The following CEP128 variants were observed in gnomAD, a reference collection of about 807,000 sequenced individuals.
CEP128 encodes centrosomal protein 128, also known as centrosomal protein 128kDa.
A neutral mutation model predicts 156.7 loss-of-function variants in CEP128; 132 were observed. The ratio of observed to expected loss-of-function variants is 0.84; its 90% CI spans 0.73 to 0.97. The LOEUF (loss-of-function observed/expected upper bound fraction) is 0.97, where lower values mean the gene tolerates loss of function less well. Ranked by LOEUF, CEP128 falls within the 50% of genes least tolerant of loss-of-function variation. CEP128 has a pLI of 0.00. For synonymous variants in CEP128, 469 were observed against 448.9 expected (o/e 1.04, Z -0.57); for missense variants, 1,252 against 1,281.9 (o/e 0.98, Z 0.36).
intron 19 of CEP128, among the ~76,000 whole-genome samples, chr14:80,634,702 T>G (rs1475932804): frequency 3.3e-5 from 5 of 152,166 alleles, no homozygotes; most frequent in African/African-American, 1.2e-4. Context: ...TTGCCCCCAC[T>G]TTTCCCTATT....
intron 13 of CEP128, among the ~76,000 whole-genome samples, chr14:80,799,525 AAG>A (rs1192591829): frequency 6.6e-6 from 1 of 152,224 alleles, no homozygotes; most frequent in African/African-American, 2.4e-5. Context: ...GGGTTGGGCA[AAG>A]AGCCATATTT....
rs189117107 is a variant in CEP128, at chr14:80,826,634, A to G, written c.1209+4509T>C. 1.4e-3 allele frequency among the ~76,000 whole-genome samples: 209 copies of G among 152,242 alleles called. 1 individual carries two copies. Among genetic ancestry groups the G allele is most frequent in the African/African-American group, 4.0e-3 (168 of 41,562 alleles). On this transcript the variant is annotated intron_variant, in intron 13 of 24. Transcript: ENST00000555265. ...TTATTGATTATCCTTTCTTTTTTAT[A>G]CCATCCTCTTTTAAAAAAAAATTAA...
chr14:80,893,508 CAA>C (rs55840549), intron 8 of CEP128, among the ~76,000 whole-genome samples: 3 of 140,282 alleles, frequency 2.1e-5, no homozygotes, highest in Non-Finnish European at 1.6e-5. Context: ...CAAACCAAAA[CAA>C]AAAAAAAAAA....
rs1253196412 is a variant in CEP128, at chr14:80,760,210, C to T, written c.2553+1227G>A. On this transcript the variant is annotated intron_variant, in intron 17 of 24. Coordinates refer to ENST00000555265, the MANE Select transcript of CEP128 (RefSeq NM_152446.5). ...ATAGTTCTAAAAGAGTTAGTTTTCC[C>T]CCTAAAGCCAATTACTTCTCATATT... 2.0e-5 allele frequency among the ~76,000 whole-genome samples: 3 copies of T among 151,552 alleles called. No homozygotes were observed. The East Asian group carries it at 5.8e-4, about 29-fold the overall frequency.
intron 19 of CEP128, among the ~76,000 whole-genome samples, chr14:80,594,915 G>C (rs1892246762): frequency 6.6e-6 from 1 of 152,158 alleles, no homozygotes; most frequent in South Asian, 2.1e-4. Context: ...AGACAGTGTG[G>C]CAATTCCTCA....
intron 19 of CEP128, among the ~76,000 whole-genome samples, chr14:80,677,038 C>T (rs1198695269): frequency 1.3e-5 from 2 of 152,112 alleles, no homozygotes; most frequent in African/African-American, 4.8e-5. Flanking sequence ...ACTGAAAAAG[C>T]ATTACATCTA....
At chr14:80,886,530 A>C (rs1266084317) in intron 8 of CEP128, among the ~76,000 whole-genome samples, 1 of 152,220 alleles carries the variant, frequency 6.6e-6, no homozygotes, top group Non-Finnish European at 1.5e-5. Context: ...AGCCAAACTA[A>C]GCTTCATAAC....
intron 14 of CEP128, chr14:80,478,477 A>G (rs1411022408): frequency 6.6e-6 from 1 of 152,206 alleles, no homozygotes; most frequent in Non-Finnish European, 1.5e-5. Flanking sequence ...GACACTTTGC[A>G]TATGTAGCTG....
chr14:80,555,036 C>A (rs1055582215), intron 21 of CEP128, among the ~76,000 whole-genome samples: 10 of 151,926 alleles, frequency 6.6e-5, no homozygotes, highest in African/African-American at 2.4e-4. Context: ...ATAAAAGATC[C>A]CTGATGTAAA....
chr14:80,808,805 C>G (rs1366642656), intron 13 of CEP128, among the ~76,000 whole-genome samples: 9 of 151,958 alleles, frequency 5.9e-5, no homozygotes, highest in Non-Finnish European at 8.8e-5. Flanking sequence ...CCACATGCAC[C>G]CAGAATAAAA....
intron 24 of CEP128, among the ~76,000 whole-genome samples, 176 bp from the exon 25 acceptor site, chr14:80,497,758 C>A (rs1887555177): frequency 6.6e-6 from 1 of 152,082 alleles, no homozygotes; most frequent in Non-Finnish European, 1.5e-5. Flanking sequence ...CAATTTATGA[C>A]ATTTAAAAAA....
intron 19 of CEP128, among the ~76,000 whole-genome samples, chr14:80,706,061 G>A (rs72690958): frequency 6.6e-6 from 1 of 152,094 alleles, no homozygotes; most frequent in Non-Finnish European, 1.5e-5. Context: ...TAACAAATAA[G>A]GAGTTGCAAA....
intron 24 of CEP128, among the ~76,000 whole-genome samples, chr14:80,504,525 T>C (rs1280998681): frequency 6.6e-6 from 1 of 152,242 alleles, no homozygotes; most frequent in Non-Finnish European, 1.5e-5. Flanking sequence ...TCTTACTCTT[T>C]GTACAAGATT....
At chr14:80,535,157 A>G (rs1889426261) in intron 21 of CEP128, among the ~76,000 whole-genome samples, 2 of 152,156 alleles carry the variant, frequency 1.3e-5, no homozygotes, top group Non-Finnish European at 2.9e-5. Flanking sequence ...TCAAATTTGA[A>G]TACACTTCCT....
intron 20 of CEP128, among the ~76,000 whole-genome samples, chr14:80,571,589 A>C (rs1185633238): frequency 6.6e-6 from 1 of 152,194 alleles, no homozygotes; most frequent in African/African-American, 2.4e-5. Flanking sequence ...AAAAGTAAAA[A>C]GTATAAGAGG....
intron 19 of CEP128, among the ~76,000 whole-genome samples, chr14:80,715,370 C>T (rs1253307988): frequency 1.3e-5 from 2 of 152,190 alleles, no homozygotes; most frequent in Non-Finnish European, 2.9e-5. Context: ...TATTCTCCCA[C>T]AAGTCAGTCA....
chr14:80,606,850 T>G (rs1033976845), intron 19 of CEP128, among the ~76,000 whole-genome samples: 7 of 151,958 alleles, frequency 4.6e-5, no homozygotes, highest in Non-Finnish European at 1.0e-4. Flanking sequence ...GTATATAATA[T>G]CTGCTCAAAT....
At chr14:80,551,843 T>C (rs1015314405) in intron 21 of CEP128, among the ~76,000 whole-genome samples, 4 of 152,152 alleles carry the variant, frequency 2.6e-5, no homozygotes, top group Non-Finnish European at 5.9e-5. Context: ...CACAGCTCTT[T>C]GTTCTTAACA....
intron 19 of CEP128, among the ~76,000 whole-genome samples, chr14:80,619,359 G>GACACACAC (rs765931874): frequency 4.1e-5 from 3 of 72,632 alleles, no homozygotes; most frequent in African/African-American, 1.7e-4. Flanking sequence ...ATGATTTAAA[G>GACACACAC]ACACACAGAC....
Sources: allele counts gnomAD v4.1 joint callset (sites outside exome capture counted in the v4.1 genomes callset), GRCh38; gene constraint gnomAD v4.1.1; transcripts MANE v1.5; gene names NCBI Gene and HGNC (gene_info 2026-07-23, HGNC 2026-07-21).